WDR20: variants seen among roughly 807,000 people sequenced by gnomAD.
WDR20 encodes the protein WD repeat-containing protein 20.
Under a neutral mutation model 38.7 loss-of-function variants are expected in WDR20, and 3 were observed. The ratio of observed to expected loss-of-function variants is 0.08; its 90% CI spans 0.04 to 0.20. The LOEUF (loss-of-function observed/expected upper bound fraction) is 0.20, where lower values mean the gene tolerates loss of function less well. Ranked by LOEUF, WDR20 falls within the 10% of genes least tolerant of loss-of-function variation. The pLI is 1.00. For missense variants in WDR20, 559 were observed against 727.7 expected (o/e 0.77, Z 2.67); for synonymous variants, 298 against 285.6 (o/e 1.04, Z -0.44).
intron 1 of WDR20, 21 bp downstream of exon 1, chr14:102,140,193 G>T: frequency 1.2e-6 from 2 of 1,607,854 alleles, no homozygotes; most frequent in Non-Finnish European, 1.7e-6. Context: ...GGGCGTCACC[G>T]GAGCCAGCCA....
At chr14:102,174,385 CCA>C (rs2061620470) in intron 1 of WDR20, among the ~76,000 whole-genome samples, 1 of 152,156 alleles carries the variant, frequency 6.6e-6, no homozygotes, top group Non-Finnish European at 1.5e-5. Flanking sequence ...TCGCTTTTCA[CCA>C]CATCCACACC....
chr14:102,175,300 A>AT (rs1256121877), intron 1 of WDR20, among the ~76,000 whole-genome samples: 1 of 152,182 alleles, frequency 6.6e-6, no homozygotes, highest in East Asian at 1.9e-4. Context: ...CATTCATTGA[A>AT]TAGGGTGTCT....
intron 2 of WDR20, 114 bp downstream of exon 2, chr14:102,195,234 A>G (rs2059212298): frequency 8.5e-7 from 1 of 1,173,618 alleles, no homozygotes; most frequent in Non-Finnish European, 1.2e-6. Context: ...TTATTCGCCC[A>G]GCCCTCCTAC....
chr14:102,175,143 G>A (rs117866123), intron 1 of WDR20, among the ~76,000 whole-genome samples: 6,808 of 152,242 alleles, frequency 0.045, 179 homozygotes, highest in Middle Eastern at 0.068. Flanking sequence ...ATGCCTAGAA[G>A]GATTTTTCCG....
At chr14:102,150,230 C>T (rs1009022400) in intron 1 of WDR20, among the ~76,000 whole-genome samples, 7 of 151,996 alleles carry the variant, frequency 4.6e-5, no homozygotes, top group Admixed American at 2.6e-4. Flanking sequence ...AATCCTAGCA[C>T]GTTGGGAGGC....
chr14:102,152,880 A>G (rs2056400150), intron 1 of WDR20, among the ~76,000 whole-genome samples: 1 of 152,228 alleles, frequency 6.6e-6, no homozygotes, highest in Non-Finnish European at 1.5e-5. Context: ...GTTCAACCCT[A>G]GAACCAGAGT....
chr14:102,142,892 A>T (rs2152668958), intron 1 of WDR20, among the ~76,000 whole-genome samples: 1 of 151,570 alleles, frequency 6.6e-6, no homozygotes, highest in Non-Finnish European at 1.5e-5. Context: ...CTGTGTGTAA[A>T]ATGAGTAGAA....
chr14:102,144,914 G>A (rs1244215433), intron 1 of WDR20, among the ~76,000 whole-genome samples: 1 of 152,126 alleles, frequency 6.6e-6, no homozygotes, highest in Non-Finnish European at 1.5e-5. Flanking sequence ...GGCCAGGCTG[G>A]TCTTGAACTC....
At chr14:102,177,125 C>T (rs1371856858) in intron 1 of WDR20, among the ~76,000 whole-genome samples, 3 of 152,188 alleles carry the variant, frequency 2.0e-5, no homozygotes, top group Non-Finnish European at 4.4e-5. Flanking sequence ...TAGTAAGTTA[C>T]CCTGTCAGTG....
At chr14:102,156,389 C>T (rs1441833182) in intron 1 of WDR20, among the ~76,000 whole-genome samples, 4 of 150,918 alleles carry the variant, frequency 2.7e-5, no homozygotes, top group Non-Finnish European at 4.4e-5. Context: ...AGGATGGTCT[C>T]GATCTCCTGA....
intron 1 of WDR20, among the ~76,000 whole-genome samples, chr14:102,160,864 C>T (rs1182138503): frequency 1.4e-5 from 2 of 139,710 alleles, no homozygotes; most frequent in Non-Finnish European, 1.5e-5. Flanking sequence ...AGGAGAATGG[C>T]GTGAACCCAG....
chr14:102,199,341 G>A (rs1437976311), intron 2 of WDR20, among the ~76,000 whole-genome samples: 2 of 152,042 alleles, frequency 1.3e-5, no homozygotes, highest in Admixed American at 6.6e-5. Flanking sequence ...AGCCTTGGTG[G>A]ATGCTCAGCA....
chr14:102,218,764 G>A (rs1194281757), downstream of WDR20, among the ~76,000 whole-genome samples: 1 of 152,176 alleles, frequency 6.6e-6, no homozygotes, highest in African/African-American at 2.4e-5. Flanking sequence ...TCACGGTGTG[G>A]GGGCTGATGG....
At chr14:102,215,674 T>C (rs963788453), downstream of WDR20, among the ~76,000 whole-genome samples, 6 of 152,188 alleles carry the variant, frequency 3.9e-5, no homozygotes, top group East Asian at 1.2e-3. Flanking sequence ...TAGAGTTCAT[T>C]GTCTGCCTAC....
chr14:102,172,059 C>G (rs1215481108), intron 1 of WDR20, among the ~76,000 whole-genome samples: 2 of 151,284 alleles, frequency 1.3e-5, no homozygotes, highest in Non-Finnish European at 3.0e-5. Context: ...TGAGGCCTTC[C>G]GCAGTGTTTG....
At chr14:102,143,941 C>T (rs1008334560) in intron 1 of WDR20, among the ~76,000 whole-genome samples, 2 of 151,634 alleles carry the variant, frequency 1.3e-5, no homozygotes, top group African/African-American at 4.8e-5. Context: ...CTTTGGGAGA[C>T]TGAGGTGGGA....
chr14:102,194,913 A>G, intron 1 of WDR20, 25 bp from the exon 2 acceptor site: 3 of 1,609,826 alleles, frequency 1.9e-6, no homozygotes, highest in Non-Finnish European at 1.7e-6. Flanking sequence ...TGTTTACTGT[A>G]TGTATTTTTC....
At position 102,168,165 on chromosome 14, in the gene WDR20, A is replaced by G. The variant is rs76743167; in HGVS notation, c.250-26773A>G. The stretch of plus-strand genomic sequence containing the variant: ...CATAGCACTGGTAACAAACAGGTAC[A>G]GGCATGAAAGAAAGACCTGAGAAAT... On this transcript the variant is annotated intron_variant, in intron 1 of 2. Coordinates refer to ENST00000342702, the MANE Select transcript of WDR20 (RefSeq NM_144574.4). Among the ~76,000 whole-genome samples, 693 of 152,314 alleles carry G rather than the reference A, an allele frequency of 4.5e-3. 6 individuals are homozygous for G. The highest frequency in any genetic ancestry group is 0.015 in the African/African-American group (643 of 41,568).
chr14:102,196,429 G>C (rs2152953093), intron 2 of WDR20, among the ~76,000 whole-genome samples: 1 of 152,240 alleles, frequency 6.6e-6, no homozygotes, highest in East Asian at 1.9e-4. Flanking sequence ...TTGGTGCTGA[G>C]TTTGGGGAGC....
Sources: gnomAD v4.1 joint callset for allele counts (sites outside exome capture counted in the v4.1 genomes callset) on GRCh38, gnomAD v4.1.1 for gene constraint, MANE v1.5 for transcripts, NCBI Gene and HGNC (gene_info 2026-07-23, HGNC 2026-07-21) for gene names.